Variants in RBFOX1 observed in about 807,000 individuals in gnomAD.
The protein encoded by RBFOX1 is RNA binding fox-1 homolog 1.
In RBFOX1, 8 loss-of-function variants were observed where a neutral mutation model predicts 57.7. The observed-to-expected ratio is 0.14, with a 90% confidence interval of 0.08 to 0.25. RBFOX1 has a LOEUF of 0.25. RBFOX1 is among the 10% of genes least tolerant of loss of function. The probability of loss-of-function intolerance (pLI) is 1.00; values close to 1 mark genes in which losing one functional copy is unlikely to be tolerated. For missense variants in RBFOX1, 611 were observed against 548.5 expected, an observed-to-expected ratio of 1.11 and a Z score of -1.14; for synonymous variants, 326 against 222.4, an observed-to-expected ratio of 1.47 and a Z score of -4.15.
intron 1 of RBFOX1, among the ~76,000 whole-genome samples, chr16:6,221,992 C>G (rs915253070): frequency 5.3e-5 from 8 of 152,086 alleles, no homozygotes; most frequent in Non-Finnish European, 1.2e-4. Flanking sequence ...AGCAGTGGTC[C>G]TTCTTCATGT....
At chr16:6,718,677 A>G (rs970793232) in intron 3 of RBFOX1, among the ~76,000 whole-genome samples, 3 of 152,108 alleles carry the variant, frequency 2.0e-5, no homozygotes, top group African/African-American at 7.2e-5. Flanking sequence ...TGTTTTTGTG[A>G]TAGTGAGTGA....
At chr16:7,378,781 CTT>C (rs1431534087) in intron 4 of RBFOX1, among the ~76,000 whole-genome samples, 1 of 152,204 alleles carries the variant, frequency 6.6e-6, no homozygotes, top group African/African-American at 2.4e-5. Context: ...CACGGACACT[CTT>C]GGGCACACTG....
intron 1 of RBFOX1, among the ~76,000 whole-genome samples, chr16:5,439,034 G>T (rs1026830812): frequency 8.4e-5 from 2 of 23,926 alleles, no homozygotes; most frequent in African/African-American, 1.5e-4. Flanking sequence ...GAGAATAATG[G>T]GGGGGGGGGC....
intron 4 of RBFOX1, among the ~76,000 whole-genome samples, chr16:7,149,109 C>T (rs886894188): frequency 3.9e-5 from 6 of 152,148 alleles, no homozygotes; most frequent in African/African-American, 1.2e-4. Context: ...TCTTTGAAAA[C>T]CCAGGTTTCC....
At chr16:7,311,306 A>G (rs1346902709) in intron 4 of RBFOX1, among the ~76,000 whole-genome samples, 5 of 151,920 alleles carry the variant, frequency 3.3e-5, no homozygotes, top group African/African-American at 1.2e-4. Context: ...GGGGAACTGG[A>G]GTGGAAAGCA....
chr16:6,278,329 A>G (rs1001991533), intron 1 of RBFOX1, among the ~76,000 whole-genome samples: 1 of 132,660 alleles, frequency 7.5e-6, no homozygotes, highest in Non-Finnish European at 1.5e-5. Flanking sequence ...GGTTCCTTCA[A>G]GTTATTTTTT....
At chr16:5,466,095 A>G (rs374564708) in intron 1 of RBFOX1, among the ~76,000 whole-genome samples, 2 of 152,200 alleles carry the variant, frequency 1.3e-5, no homozygotes, top group East Asian at 1.9e-4. Context: ...GAGTTATGGT[A>G]TCTTCTCCCA....
chr16:7,414,627 A>G (rs993790478), intron 4 of RBFOX1, among the ~76,000 whole-genome samples: 2 of 151,918 alleles, frequency 1.3e-5, no homozygotes, highest in African/African-American at 2.4e-5. Context: ...TTATTTATTT[A>G]TTTATTTTGA....
intron 3 of RBFOX1, among the ~76,000 whole-genome samples, chr16:6,897,271 A>G (rs1404159482): frequency 6.6e-6 from 1 of 152,162 alleles, no homozygotes; most frequent in African/African-American, 2.4e-5. Flanking sequence ...AAAATACAAA[A>G]ATTAGCTTGT....
chr16:5,939,703 A>T (rs970299305), intron 4 of RBFOX1, among the ~76,000 whole-genome samples: 4 of 151,972 alleles, frequency 2.6e-5, no homozygotes, highest in African/African-American at 7.3e-5. Context: ...CCATTTTTTA[A>T]AAAAAAAAGT....
At chr16:7,465,800 C>G (rs930950316) in intron 4 of RBFOX1, among the ~76,000 whole-genome samples, 1 of 152,176 alleles carries the variant, frequency 6.6e-6, no homozygotes, top group Admixed American at 6.5e-5. Flanking sequence ...TTATAACAGG[C>G]AACCCAGGTA....
In RBFOX1 at chr16:5,616,483, C is replaced by A. The variant is rs140605447; in HGVS notation, c.318+17522C>A. ...TGTCACAGTGCCCTTGATTTTCCCACTGAACTGCTGCCACCGTGAATACGA... is the reference window on the plus strand; with the variant it reads ...TGTCACAGTGCCCTTGATTTTCCCAATGAACTGCTGCCACCGTGAATACGA... On this transcript the variant is annotated intron_variant, in intron 3 of 19. Coordinates refer to the RBFOX1 transcript ENST00000641259. Among the ~76,000 whole-genome samples the A allele has an allele frequency of 5.6e-3, 856 of 152,240 alleles. 8 individuals are homozygous for A. The highest frequency in any genetic ancestry group is 0.019 in the African/African-American group (792 of 41,532).
intron 1 of RBFOX1, among the ~76,000 whole-genome samples, chr16:6,198,371 A>T (rs140716218): frequency 1.2e-4 from 18 of 152,338 alleles, no homozygotes; most frequent in African/African-American, 4.3e-4. Flanking sequence ...CTCTCTAAAC[A>T]TAATCAGCAT....
intron 4 of RBFOX1, among the ~76,000 whole-genome samples, chr16:7,333,843 G>A (rs770109745): frequency 3.9e-5 from 6 of 151,996 alleles, no homozygotes; most frequent in South Asian, 2.1e-4. Flanking sequence ...GAAGTTCTCC[G>A]TTGAAAGCTA....
At chr16:7,132,215 G>T (rs756547512) in intron 4 of RBFOX1, among the ~76,000 whole-genome samples, 1 of 151,834 alleles carries the variant, frequency 6.6e-6, no homozygotes, top group African/African-American at 2.4e-5. Context: ...TCCTGACTTC[G>T]ACTGATCTGC....
chr16:6,398,892 G>A (rs1243546212), intron 2 of RBFOX1, among the ~76,000 whole-genome samples: 2 of 152,178 alleles, frequency 1.3e-5, no homozygotes, highest in African/African-American at 4.8e-5. Context: ...CTCTGTCTGG[G>A]GGCTCCAGCC....
At chr16:7,477,816 C>A (rs868068159) in intron 4 of RBFOX1, among the ~76,000 whole-genome samples, 2 of 152,174 alleles carry the variant, frequency 1.3e-5, no homozygotes, top group East Asian at 1.9e-4. Flanking sequence ...GGAAAATAGA[C>A]CCTGAGTCTA....
intron 1 of RBFOX1, among the ~76,000 whole-genome samples, chr16:6,304,906 A>G (rs1447426892): frequency 1.4e-5 from 2 of 142,208 alleles, no homozygotes; most frequent in African/African-American, 2.6e-5. Context: ...AGGAATTCCT[A>G]TATCTGAGAG....
intron 2 of RBFOX1, among the ~76,000 whole-genome samples, chr16:6,322,773 C>G (rs2081959230): frequency 6.6e-6 from 1 of 152,122 alleles, no homozygotes. Flanking sequence ...AGTTGGAATA[C>G]AAGAGGGAGA....
Sources: gnomAD v4.1 joint callset for allele counts (sites outside exome capture counted in the v4.1 genomes callset) on GRCh38, gnomAD v4.1.1 for gene constraint, MANE v1.5 for transcripts, NCBI Gene and HGNC (gene_info 2026-07-23, HGNC 2026-07-21) for gene names.